RIMS1: variants seen among roughly 807,000 people sequenced by gnomAD.
RIMS1 encodes regulating synaptic membrane exocytosis 1, also known as regulating synaptic membrane exocytosis protein 1.
A neutral mutation model predicts 214.1 loss-of-function variants in RIMS1; 83 were observed. The observed-to-expected ratio is 0.39, with a 90% CI of 0.32 to 0.47. The LOEUF is 0.47. Ranked by LOEUF, RIMS1 falls within the 20% of genes least tolerant of loss-of-function variation. The probability of loss-of-function intolerance (pLI) is 0.99; values close to 1 mark genes in which losing one functional copy is unlikely to be tolerated. For synonymous variants in RIMS1, 793 were observed against 786.8 expected, an observed-to-expected ratio of 1.01 and a Z score of -0.13; for missense variants, 2,050 against 2,161.8, an observed-to-expected ratio of 0.95 and a Z score of 1.03.
chr6:72,138,838 A>G (rs2041719052), intron 4 of RIMS1, among the ~76,000 whole-genome samples: 1 of 152,192 alleles, frequency 6.6e-6, no homozygotes, highest in African/African-American at 2.4e-5. Context: ...AGTGGTCACT[A>G]TCTTATGTTG....
chr6:72,093,441 A>G (rs985084737), intron 2 of RIMS1, among the ~76,000 whole-genome samples: 2 of 151,880 alleles, frequency 1.3e-5, no homozygotes, highest in Non-Finnish European at 2.9e-5. Context: ...TTTAAGCTCT[A>G]TACCAGTTTT....
intron 27 of RIMS1, among the ~76,000 whole-genome samples, chr6:72,311,796 C>T (rs1359776126): frequency 1.3e-5 from 2 of 152,046 alleles, no homozygotes; most frequent in East Asian, 3.9e-4. Flanking sequence ...CACGGTGAAA[C>T]CCCGTCTCTA....
chr6:72,075,614 G>C (rs763134507), intron 2 of RIMS1, among the ~76,000 whole-genome samples: 14 of 152,106 alleles, frequency 9.2e-5, no homozygotes, highest in Non-Finnish European at 1.6e-4. Context: ...GCTTAATGAA[G>C]TTAAAAAAAA....
intron 14 of RIMS1, 50 bp downstream of exon 14, chr6:72,251,142 A>G (rs1177986786): frequency 6.4e-7 from 1 of 1,554,992 alleles, no homozygotes; most frequent in Non-Finnish European, 8.7e-7. Context: ...AAGTTTTGTG[A>G]TATTTATTAT....
In RIMS1 at chr6:72,005,894, G is replaced by A. The variant is rs530137425; in HGVS notation, c.245+36831G>A. ...TTCTATCAATGTAACACAACATATAGTAAATGGAAAGACTGAAGTCTTAGT... is the reference window on the plus strand; with the variant it reads ...TTCTATCAATGTAACACAACATATAATAAATGGAAAGACTGAAGTCTTAGT... On this transcript the variant is annotated intron_variant, in intron 2 of 33. Coordinates refer to ENST00000521978, the MANE Select transcript of RIMS1 (RefSeq NM_014989.7). Among the ~76,000 whole-genome samples, 336 of 152,316 alleles carry A rather than the reference G, an allele frequency of 2.2e-3. 2 individuals carry two copies. Among genetic ancestry groups the A allele is most frequent in the African/African-American group, 7.6e-3 (317 of 41,570 alleles).
At chr6:72,154,234 T>C (rs1026386136) in intron 4 of RIMS1, among the ~76,000 whole-genome samples, 2 of 98,622 alleles carry the variant, frequency 2.0e-5, no homozygotes, top group Non-Finnish European at 5.3e-5. Flanking sequence ...TTCTATTTTA[T>C]CTTTTGCTTG....
intron 2 of RIMS1, among the ~76,000 whole-genome samples, chr6:72,005,499 A>C (rs1807151312): frequency 6.6e-6 from 1 of 152,202 alleles, no homozygotes; most frequent in Admixed American, 6.5e-5. Flanking sequence ...TGATTAATCA[A>C]TTGCTGGGAA....
intron 2 of RIMS1, among the ~76,000 whole-genome samples, chr6:71,995,187 T>C (rs945694754): frequency 1.3e-5 from 2 of 152,120 alleles, no homozygotes; most frequent in Non-Finnish European, 2.9e-5. Context: ...CAGAGAGAAG[T>C]TGAAGCAGAA....
chr6:72,294,932 T>C (rs1243883322), intron 26 of RIMS1, among the ~76,000 whole-genome samples: 1 of 151,706 alleles, frequency 6.6e-6, no homozygotes, highest in East Asian at 1.9e-4. Flanking sequence ...TGGTATGTGA[T>C]AATTGAAAGC....
chr6:71,894,921 G>A (rs1771185629), intron 1 of RIMS1, among the ~76,000 whole-genome samples: 1 of 152,136 alleles, frequency 6.6e-6, no homozygotes, highest in Non-Finnish European at 1.5e-5. Flanking sequence ...ATAATACCAT[G>A]CTAATGATTT....
At chr6:72,307,662 C>T (rs752734445) in intron 27 of RIMS1, among the ~76,000 whole-genome samples, 12 of 151,796 alleles carry the variant, frequency 7.9e-5, no homozygotes, top group Non-Finnish European at 1.6e-4. Context: ...TAGGAGAATC[C>T]CTTGAACCTG....
At chr6:71,961,343 T>C (rs1309601753) in intron 1 of RIMS1, among the ~76,000 whole-genome samples, 2 of 152,030 alleles carry the variant, frequency 1.3e-5, no homozygotes, top group Admixed American at 1.3e-4. Context: ...CTTCTCCTCT[T>C]CTCTCCGTCT....
Position 72,258,285 on chromosome 6 carries a change from G to C in RIMS1, c.2927+4G>C. ...TACCAAATGTGCCATTACAGAGGTA[G>C]GCTTTGAAATGGGCTCAGTGTCCCT... is the stretch of plus-strand genomic sequence containing the variant. On this transcript the variant is annotated splice_donor_region_variant and intron_variant, in intron 17 of 33. Coordinates refer to ENST00000521978, the MANE Select transcript of RIMS1 (RefSeq NM_014989.7). The C allele has an allele frequency of 6.2e-7, 1 of 1,612,584 alleles. No individual in the cohort carries two copies.
intron 1 of RIMS1, among the ~76,000 whole-genome samples, chr6:71,953,579 G>A (rs1014268579): frequency 6.6e-6 from 1 of 151,636 alleles, no homozygotes; most frequent in African/African-American, 2.4e-5. Flanking sequence ...TTAACATTCT[G>A]ACTTATTTCT....
Position 72,061,156 on chromosome 6 carries a change from A to G in RIMS1, c.246-35793A>G, listed in dbSNP as rs998314250. Among the ~76,000 whole-genome samples, 6 of 152,286 alleles carry G rather than the reference A, an allele frequency of 3.9e-5. No individual in the cohort carries two copies. In the East Asian group the frequency reaches 1.2e-3, roughly 29 times the overall value. ...CTTTTTTTTCCATAATTACCATGATATAGCTTGGTTCTTAATAACTCAGAC... is the reference window on the plus strand; with the variant it reads ...CTTTTTTTTCCATAATTACCATGATGTAGCTTGGTTCTTAATAACTCAGAC... On this transcript the variant is annotated intron_variant, in intron 2 of 33. Coordinates refer to ENST00000521978, the MANE Select transcript of RIMS1 (RefSeq NM_014989.7).
intron 4 of RIMS1, among the ~76,000 whole-genome samples, chr6:72,166,914 A>G (rs1044804348): frequency 6.6e-6 from 1 of 151,726 alleles, no homozygotes. Context: ...TTTAATCTTT[A>G]TTTATTTTTA....
intron 4 of RIMS1, among the ~76,000 whole-genome samples, chr6:72,170,790 G>A (rs967294061): frequency 2.6e-5 from 4 of 152,060 alleles, no homozygotes; most frequent in South Asian, 2.1e-4. Flanking sequence ...TCAAAAATAT[G>A]TACTGAGTGT....
chr6:72,108,021 A>G (rs561390083), intron 4 of RIMS1, among the ~76,000 whole-genome samples: 210 of 150,776 alleles, frequency 1.4e-3, no homozygotes, highest in African/African-American at 4.7e-3. Context: ...GTTTTGTTTT[A>G]TTGTGTTTTG....
chr6:72,090,960 T>A (rs966004573), intron 2 of RIMS1, among the ~76,000 whole-genome samples: 3 of 152,144 alleles, frequency 2.0e-5, no homozygotes, highest in African/African-American at 4.8e-5. Flanking sequence ...GCCACTAACT[T>A]CATAAGGACT....
Sources: gnomAD v4.1 joint callset for allele counts (sites outside exome capture counted in the v4.1 genomes callset) on GRCh38, gnomAD v4.1.1 for gene constraint, MANE v1.5 for transcripts, NCBI Gene and HGNC (gene_info 2026-07-23, HGNC 2026-07-21) for gene names.